Variants in NME7 observed in about 807,000 individuals in gnomAD.
NME7 encodes nucleoside diphosphate kinase 7.
A neutral mutation model predicts 49.1 loss-of-function variants in NME7; 41 were observed. That is an observed-to-expected ratio of 0.83 (90% CI 0.65 to 1.08). The LOEUF (loss-of-function observed/expected upper bound fraction) is 1.08, where lower values mean the gene tolerates loss of function less well. Ranked by LOEUF, NME7 falls within the 50% of genes least tolerant of loss-of-function variation. The pLI is 0.00. For missense variants in NME7, 423 were observed against 463.4 expected, an observed-to-expected ratio of 0.91 and a Z score of 0.80; for synonymous variants, 139 against 150.6, an observed-to-expected ratio of 0.92 and a Z score of 0.56.
chr1:169,294,491 A>G (rs1388189767), intron 6 of NME7, among the ~76,000 whole-genome samples: 6 of 152,352 alleles, frequency 3.9e-5, no homozygotes, highest in Non-Finnish European at 7.4e-5. Context: ...AAATTAGACA[A>G]TAACTAATAG....
chr1:169,171,359 A>C (rs61806190), intron 10 of NME7, among the ~76,000 whole-genome samples: 36,010 of 151,494 alleles, frequency 0.24, 5,223 homozygotes, highest in Non-Finnish European at 0.33. Flanking sequence ...CAGACAGAGT[A>C]GGACCCTGTC....
chr1:169,316,033 C>T (rs1044914374), intron 3 of NME7, among the ~76,000 whole-genome samples: 5 of 151,676 alleles, frequency 3.3e-5, no homozygotes, highest in Admixed American at 1.3e-4. Context: ...AAATAAAAAA[C>T]GTGCAGATTA....
chr1:169,172,450 T>C (rs1659631391), intron 10 of NME7, among the ~76,000 whole-genome samples: 1 of 152,122 alleles, frequency 6.6e-6, no homozygotes, highest in Non-Finnish European at 1.5e-5. Flanking sequence ...TGTAAATTCC[T>C]GTAAGGACTT....
At chr1:169,306,725 A>C (rs540064606) in intron 4 of NME7, among the ~76,000 whole-genome samples, 2 of 152,208 alleles carry the variant, frequency 1.3e-5, no homozygotes, top group Admixed American at 6.5e-5. Context: ...TAAAGAAAAT[A>C]ACATACAACA....
At chr1:169,194,388 A>G (rs1163876557) in intron 10 of NME7, among the ~76,000 whole-genome samples, 1 of 152,204 alleles carries the variant, frequency 6.6e-6, no homozygotes, top group Admixed American at 6.5e-5. Flanking sequence ...CAGATGGTAA[A>G]GTTCCATGTT....
intron 10 of NME7, among the ~76,000 whole-genome samples, chr1:169,206,180 TCCC>T: frequency 6.6e-6 from 1 of 152,244 alleles, no homozygotes; most frequent in South Asian, 2.1e-4. Context: ...CTGATCTGTT[TCCC>T]CCCAACTAGA....
At chr1:169,150,763 GAAAAAAA>G (rs10689301) in intron 11 of NME7, among the ~76,000 whole-genome samples, 1 of 124,334 alleles carries the variant, frequency 8.0e-6, no homozygotes, top group East Asian at 2.4e-4. Flanking sequence ...GCTGGAAAAG[GAAAAAAA>G]AAAAAAAAAG....
In NME7 at chr1:169,254,232, A is replaced by T. The variant is rs534844123; in HGVS notation, c.755-16545T>A. The stretch of plus-strand genomic sequence containing the variant: ...TTGGTAAGCTATTGATTCTTGCCAC[A>T]ATTTCAGATCCTGTTATTGTTCTAT... On this transcript the variant is annotated intron_variant, in intron 7 of 11. Transcript: ENST00000367811. 3.1e-3 allele frequency among the ~76,000 whole-genome samples: 469 copies of T among 151,752 alleles called. 1 individual carries two copies. Among genetic ancestry groups the T allele is most frequent in the Non-Finnish European group, 4.9e-3 (331 of 68,018 alleles).
chr1:169,317,644 T>C (rs913583023), intron 3 of NME7, among the ~76,000 whole-genome samples: 5 of 152,016 alleles, frequency 3.3e-5, no homozygotes, highest in African/African-American at 9.7e-5. Context: ...GCAACAGTAA[T>C]TGGTATTGAG....
intron 11 of NME7, among the ~76,000 whole-genome samples, chr1:169,139,996 T>G (rs1658542722): frequency 6.6e-6 from 1 of 152,196 alleles, no homozygotes; most frequent in African/African-American, 2.4e-5. Flanking sequence ...GTATTAATGT[T>G]AACTTCTTGA....
chr1:169,331,652 G>A (rs1652260719), intron 1 of NME7, among the ~76,000 whole-genome samples: 1 of 151,822 alleles, frequency 6.6e-6, no homozygotes. Flanking sequence ...AAATATCAGT[G>A]GTATTTCTAT....
chr1:169,204,751 A>T (rs370385169), intron 10 of NME7, among the ~76,000 whole-genome samples: 1 of 152,026 alleles, frequency 6.6e-6, no homozygotes, highest in Non-Finnish European at 1.5e-5. Context: ...TTCTTACAAC[A>T]GTTTGCAAGC....
chr1:169,157,624 C>T (rs144533520), intron 11 of NME7, among the ~76,000 whole-genome samples: 1 of 152,300 alleles, frequency 6.6e-6, no homozygotes, highest in African/African-American at 2.4e-5. Flanking sequence ...TCCACAGAAG[C>T]CACAGATTCC....
chr1:169,302,120 T>C (rs902962870), intron 5 of NME7: 17 of 130,168 alleles, frequency 1.3e-4, no homozygotes, highest in Admixed American at 1.1e-3. Flanking sequence ...GGCAAGTCTG[T>C]AGAGAAAGGG....
chr1:169,221,938 T>C (rs920345884), intron 10 of NME7, among the ~76,000 whole-genome samples: 3 of 152,076 alleles, frequency 2.0e-5, no homozygotes, highest in African/African-American at 7.2e-5. Flanking sequence ...TGTTTGTTTG[T>C]TTTTAAATAG....
At chr1:169,347,220 T>A (rs1321851287) in intron 1 of NME7, among the ~76,000 whole-genome samples, 1 of 151,966 alleles carries the variant, frequency 6.6e-6, no homozygotes, top group Admixed American at 6.6e-5. Flanking sequence ...AGTAAATAAA[T>A]AAATTGTGTT....
chr1:169,324,474 A>T lies in NME7; in HGVS notation c.30T>A (p.Ile10=). The change falls in exon 2 of 12, where the codon ATT becomes ATA. Residue 10 remains isoleucine, a synonymous_variant. Transcript: ENST00000367811. The part of the protein sequence containing the change: MNHSERFVF[I]AEWYDPNASL... ...AAGCATTTGGATCATACCACTCTGC[A>T]ATGAAAACGAATCTTTCACTATGAT... 1 of 1,611,288 alleles carries T rather than the reference A, an allele frequency of 6.2e-7. No individual in the cohort carries two copies. The highest frequency in any genetic ancestry group is 8.5e-7 in the Non-Finnish European group (1 of 1,177,816).
At chr1:169,244,635 C>CAAAA (rs71121747) in intron 7 of NME7, among the ~76,000 whole-genome samples, 1 of 85,332 alleles carries the variant, frequency 1.2e-5, no homozygotes, top group East Asian at 2.9e-4. Context: ...GACTCCATCT[C>CAAAA]AAAAAAAAAA....
intron 1 of NME7, among the ~76,000 whole-genome samples, chr1:169,331,816 C>CA (rs35728129): frequency 0.94 from 139,556 of 148,810 alleles, 65,596 homozygotes; most frequent in East Asian, 0.99. Context: ...TGAAAAAGAC[C>CA]AAAAAAAAAA....
Sources: gnomAD v4.1 joint callset for allele counts (sites outside exome capture counted in the v4.1 genomes callset) on GRCh38, gnomAD v4.1.1 for gene constraint, MANE v1.5 for transcripts, NCBI Gene and HGNC (gene_info 2026-07-23, HGNC 2026-07-21) for gene names.